The following NEDD9 variants were observed in gnomAD, a reference collection of about 807,000 sequenced individuals.
NEDD9 encodes enhancer of filamentation 1.
Under a neutral mutation model 76.6 loss-of-function variants are expected in NEDD9, and 26 were observed. The ratio of observed to expected loss-of-function variants is 0.34; its 90% CI spans 0.25 to 0.47. The LOEUF (loss-of-function observed/expected upper bound fraction) is 0.47. Ranked by LOEUF, NEDD9 falls within the 20% of genes least tolerant of loss-of-function variation. The pLI is 1.00. For synonymous variants in NEDD9, 392 were observed against 414.2 expected (o/e 0.95, Z 0.65); for missense variants, 937 against 1,058.5 (o/e 0.89, Z 1.59).
At chr6:11,235,972 A>G (rs1428888087), upstream of NEDD9, among the ~76,000 whole-genome samples, 1 of 152,206 alleles carries the variant, frequency 6.6e-6, no homozygotes, top group East Asian at 1.9e-4. This position sits in a 1 kb window ranked among gnomAD's most constrained non-coding sequence, Gnocchi z 4.1. Flanking sequence ...ACAGCAGGCT[A>G]CTAGTTAAAA....
At chr6:11,220,851 T>C (rs2113771275) in intron 1 of NEDD9, among the ~76,000 whole-genome samples, 1 of 152,324 alleles carries the variant, frequency 6.6e-6, no homozygotes, top group South Asian at 2.1e-4. Context: ...TATTCTTGCT[T>C]GATTTAGGGT....
chr6:11,261,887 TATG>T (rs1384284102), intron 3 of NEDD9, among the ~76,000 whole-genome samples: 5 of 152,224 alleles, frequency 3.3e-5, no homozygotes, highest in African/African-American at 4.8e-5. Context: ...TCATTATTGC[TATG>T]ATGTGTTAGA....
chr6:11,326,994 T>G (rs769226406), intron 2 of NEDD9, among the ~76,000 whole-genome samples: 2 of 152,188 alleles, frequency 1.3e-5, no homozygotes, highest in Non-Finnish European at 2.9e-5. Flanking sequence ...AGTTGGAGAC[T>G]TGGGTTTTAG....
intron 2 of NEDD9, among the ~76,000 whole-genome samples, chr6:11,315,677 T>A (rs1761530150): frequency 6.6e-6 from 1 of 152,184 alleles, no homozygotes; most frequent in Admixed American, 6.5e-5. Flanking sequence ...TGGAGGGGAT[T>A]GGCTTATAAA....
At chr6:11,243,104 C>G (rs1037720005) in intron 3 of NEDD9, among the ~76,000 whole-genome samples, 16 of 152,250 alleles carry the variant, frequency 1.1e-4, no homozygotes, top group African/African-American at 3.9e-4. Context: ...CAGGATCTTC[C>G]CTTTGCCACC....
intron 2 of NEDD9, among the ~76,000 whole-genome samples, chr6:11,326,445 A>G (rs1761929803): frequency 6.6e-6 from 1 of 152,242 alleles, no homozygotes; most frequent in South Asian, 2.1e-4. Flanking sequence ...GCAGACAAGG[A>G]AAAGGGTTTA....
intron 1 of NEDD9, chr6:11,352,363 T>C (rs1053486029): frequency 1.3e-5 from 2 of 152,198 alleles, no homozygotes; most frequent in African/African-American, 4.8e-5. Context: ...ACATTTGCTC[T>C]TTGGTTAACT....
rs1581971783 is a variant in NEDD9, at chr6:11,229,272, G to T, written c.12+3232C>A. Among the ~76,000 whole-genome samples, 3 of 152,330 alleles carry T rather than the reference G, an allele frequency of 2.0e-5. No homozygotes were observed. The East Asian group carries it at 5.8e-4, about 29-fold the overall frequency. On this transcript the variant is annotated intron_variant, in intron 1 of 6. Coordinates refer to ENST00000379446, the MANE Select transcript of NEDD9 (RefSeq NM_006403.4). ...CATGGTAGACGAGATAAATAATTTA[G>T]AATTTTAATGTAGGCACGTAAGGGC...
chr6:11,222,647 G>A (rs1178727485), intron 1 of NEDD9, among the ~76,000 whole-genome samples: 1 of 152,228 alleles, frequency 6.6e-6, no homozygotes, highest in Non-Finnish European at 1.5e-5. Context: ...GTTCCATGAT[G>A]AGGTACATAT....
intron 3 of NEDD9, among the ~76,000 whole-genome samples, chr6:11,261,293 T>C (rs1413941425): frequency 6.6e-6 from 1 of 152,226 alleles, no homozygotes; most frequent in Admixed American, 6.5e-5. Context: ...GGGAAGTTAT[T>C]AACTCCATTT....
At chr6:11,278,076 C>T (rs1175677812) in intron 3 of NEDD9, among the ~76,000 whole-genome samples, 2 of 152,158 alleles carry the variant, frequency 1.3e-5, no homozygotes, top group Non-Finnish European at 2.9e-5. Context: ...CTGCTGCCTC[C>T]CTGCTTCTCT....
intron 1 of NEDD9, among the ~76,000 whole-genome samples, chr6:11,371,650 G>A (rs1433538133): frequency 6.6e-6 from 1 of 152,152 alleles, no homozygotes; most frequent in African/African-American, 2.4e-5. Context: ...TAGAGCAATG[G>A]GTTGAAGGTT....
At chr6:11,195,176 A>T (rs1257054989) in intron 2 of NEDD9, among the ~76,000 whole-genome samples, 1 of 152,196 alleles carries the variant, frequency 6.6e-6, no homozygotes, top group East Asian at 1.9e-4. Context: ...GGCGCTCTCA[A>T]AATGCCTGAG....
intron 2 of NEDD9, among the ~76,000 whole-genome samples, chr6:11,323,110 T>C (rs952664240): frequency 1.3e-5 from 2 of 152,230 alleles, no homozygotes. Flanking sequence ...TCTTGCTACA[T>C]AGTAGTACAC....
chr6:11,196,699 G>C (rs867581303), intron 2 of NEDD9, among the ~76,000 whole-genome samples: 3 of 151,786 alleles, frequency 2.0e-5, no homozygotes, highest in Non-Finnish European at 4.4e-5. Flanking sequence ...AGCACCCCCC[G>C]CCCGCCACCA....
At chr6:11,342,833 A>G (rs1057136450) in intron 1 of NEDD9, among the ~76,000 whole-genome samples, 1 of 152,238 alleles carries the variant, frequency 6.6e-6, no homozygotes, top group Non-Finnish European at 1.5e-5. Context: ...ACATGGCTTC[A>G]ACTAACCAAA....
chr6:11,224,967 G>A (rs1385585281), intron 1 of NEDD9, among the ~76,000 whole-genome samples: 1 of 152,168 alleles, frequency 6.6e-6, no homozygotes, highest in East Asian at 1.9e-4. Context: ...GGAAAAACAT[G>A]AATGACATAT....
chr6:11,273,672 G>A (rs939373157), intron 3 of NEDD9, among the ~76,000 whole-genome samples: 3 of 152,130 alleles, frequency 2.0e-5, no homozygotes, highest in African/African-American at 4.8e-5. Context: ...ATCAAGATCC[G>A]AATTACCCTG....
At chr6:11,340,534 T>C (rs1362256362) in intron 1 of NEDD9, among the ~76,000 whole-genome samples, 4 of 152,162 alleles carry the variant, frequency 2.6e-5, no homozygotes, top group East Asian at 1.9e-4. Context: ...ATTATTTCCA[T>C]TGTATAGAAA....
Sources: gnomAD v4.1 joint callset for allele counts (sites outside exome capture counted in the v4.1 genomes callset) on GRCh38, gnomAD v4.1.1 for gene constraint, Gnocchi (gnomAD v3.1) non-coding constraint, MANE v1.5 for transcripts, NCBI Gene and HGNC (gene_info 2026-07-23, HGNC 2026-07-21) for gene names.